Variants in ZNF626 observed in about 807,000 individuals in gnomAD.
The protein encoded by ZNF626 is CTC-513N18.7.
In ZNF626, 4 loss-of-function variants were observed where a neutral mutation model predicts 11.7. The ratio of observed to expected loss-of-function variants is 0.34; its 90% confidence interval spans 0.17 to 0.78. ZNF626 has a LOEUF of 0.78. Among genes scored for constraint, ZNF626 ranks in the 30% least tolerant of loss-of-function variants. ZNF626 has a pLI of 0.57. For synonymous variants in ZNF626, 179 were observed against 198.6 expected, an observed-to-expected ratio of 0.90 and a Z score of 0.83; for missense variants, 588 against 587.1, an observed-to-expected ratio of 1.00 and a Z score of -0.01.
At chr19:20,633,836 C>A (rs975962947) in intron 3 of ZNF626, among the ~76,000 whole-genome samples, 1 of 152,188 alleles carries the variant, frequency 6.6e-6, no homozygotes, top group Non-Finnish European at 1.5e-5. Flanking sequence ...GAGATGAACC[C>A]AGTACCCCAG....
intron 1 of ZNF626, among the ~76,000 whole-genome samples, chr19:20,647,996 T>C (rs1555772120): frequency 6.6e-6 from 1 of 151,796 alleles, no homozygotes; most frequent in African/African-American, 2.4e-5. Flanking sequence ...ATGACTAACA[T>C]GGTATAACCC....
chr19:20,656,176 G>A (rs1273098107), intron 1 of ZNF626, among the ~76,000 whole-genome samples: 1 of 152,124 alleles, frequency 6.6e-6, no homozygotes, highest in Non-Finnish European at 1.5e-5. Flanking sequence ...AAGCTGACAA[G>A]AGGAATATGG....
chr19:20,643,612 G>C (rs77082951), intron 3 of ZNF626, among the ~76,000 whole-genome samples: 1 of 152,096 alleles, frequency 6.6e-6, no homozygotes, highest in South Asian at 2.1e-4. Context: ...AGTGACATCA[G>C]TAAGATGAAA....
chr19:20,640,241 T>A (rs1345580834), intron 3 of ZNF626, among the ~76,000 whole-genome samples: 10 of 48,008 alleles, frequency 2.1e-4, no homozygotes, highest in Non-Finnish European at 3.1e-4. Flanking sequence ...AATTAAATTA[T>A]TAATTTTAAT....
At chr19:20,660,790 G>A (rs1299667354) in intron 1 of ZNF626, among the ~76,000 whole-genome samples, 1 of 152,114 alleles carries the variant, frequency 6.6e-6, no homozygotes, top group Non-Finnish European at 1.5e-5. Context: ...GGATCAGACC[G>A]CACAATCTAA....
intron 1 of ZNF626, among the ~76,000 whole-genome samples, chr19:20,652,299 G>GA (rs3078663): frequency 0.31 from 41,841 of 136,684 alleles, 6,547 homozygotes; most frequent in East Asian, 0.55. Flanking sequence ...AAGTCTACAT[G>GA]AAAAAAAAAA....
intron 3 of ZNF626, among the ~76,000 whole-genome samples, chr19:20,633,906 G>A (rs1555770667): frequency 6.6e-6 from 1 of 152,180 alleles, no homozygotes; most frequent in African/African-American, 2.4e-5. Flanking sequence ...GTTGACCAGA[G>A]CTGTTCCTAT....
chr19:20,624,684 T>G lies in ZNF626; in HGVS notation c.1193A>C (p.Lys398Thr), dbSNP rs1969801272. Residue 398 changes from lysine to threonine, a missense_variant, in exon 4 of 4, where the codon AAA becomes ACA. Coordinates refer to ENST00000601440, the MANE Select transcript of ZNF626 (RefSeq NM_001076675.3). ...AAAAGCTTTGCCACATTCTTCACAT[T>G]TGTAGGGTTTCTCTCCAGTATGAAT... ...KIIHTGEKPY[K>T]CEECGKAFKY... The G allele has an allele frequency of 4.3e-6, 7 of 1,609,992 alleles. No homozygotes were observed. The highest frequency in any genetic ancestry group is 5.9e-6 in the Non-Finnish European group (7 of 1,178,174).
At chr19:20,626,897 C>T (rs1046541590) in intron 3 of ZNF626, among the ~76,000 whole-genome samples, 2 of 152,022 alleles carry the variant, frequency 1.3e-5, no homozygotes, top group East Asian at 3.9e-4. Flanking sequence ...CACCTGTAAC[C>T]CCAGCTACTT....
intron 1 of ZNF626, among the ~76,000 whole-genome samples, chr19:20,653,314 A>T (rs1970167900): frequency 6.6e-6 from 1 of 152,212 alleles, no homozygotes; most frequent in Non-Finnish European, 1.5e-5. Flanking sequence ...TACACAATTA[A>T]ACTTGAATGT....
At chr19:20,630,413 C>T (rs12180530) in intron 3 of ZNF626, among the ~76,000 whole-genome samples, 22,150 of 89,298 alleles carry the variant, frequency 0.25, 1,753 homozygotes, top group African/African-American at 0.4. Flanking sequence ...TGGTCCTGAA[C>T]TTTTTTTGAT....
intron 1 of ZNF626, among the ~76,000 whole-genome samples, chr19:20,647,196 A>G (rs958395110): frequency 2.7e-4 from 41 of 152,150 alleles, no homozygotes; most frequent in African/African-American, 9.2e-4. Flanking sequence ...TCTTTGGCCC[A>G]AGAAGGATAT....
At chr19:20,629,811 C>G (rs1969882539) in intron 3 of ZNF626, among the ~76,000 whole-genome samples, 1 of 152,128 alleles carries the variant, frequency 6.6e-6, no homozygotes, top group Non-Finnish European at 1.5e-5. Flanking sequence ...ACTTCCAACA[C>G]TATGTTGAAT....
Position 20,624,067 on chromosome 19 carries a change from A to G in ZNF626, c.*223T>C. The stretch of plus-strand genomic sequence containing the variant: ...CTTATGTGCAGTAAGGTGTGAGGAT[A>G]GGTGAAAAGCTTTACCACATTATTC... On this transcript the variant is annotated 3_prime_UTR_variant, in exon 4 of 4. Coordinates refer to ENST00000601440, the MANE Select transcript of ZNF626 (RefSeq NM_001076675.3). The G allele has an allele frequency of 1.3e-6, 1 of 789,962 alleles. No individual in the cohort carries two copies. Among genetic ancestry groups the G allele is most frequent in the Non-Finnish European group, 2.2e-6 (1 of 450,738 alleles). The allele number at this position is 789,962 out of a possible 1,614,324, so 48.9% of individuals were successfully genotyped here.
chr19:20,629,764 C>A (rs1260177816), intron 3 of ZNF626, among the ~76,000 whole-genome samples: 2 of 152,136 alleles, frequency 1.3e-5, no homozygotes, highest in Admixed American at 6.5e-5. Context: ...ATTGAATACA[C>A]TTTATTTCCT....
chr19:20,628,900 G>A (rs1487636041), intron 3 of ZNF626, among the ~76,000 whole-genome samples: 41 of 152,172 alleles, frequency 2.7e-4, no homozygotes, highest in Non-Finnish European at 1.0e-4. Flanking sequence ...TTCTTCTAGG[G>A]TTTTTATGGT....
At position 20,648,481 on chromosome 19, in the gene ZNF626, A is replaced by G. The variant is rs374525240; in HGVS notation, c.4-2076T>C. On this transcript the variant is annotated intron_variant, in intron 1 of 3. Coordinates refer to ENST00000601440, the MANE Select transcript of ZNF626 (RefSeq NM_001076675.3). ...AAGCTCTGCCTCCCAGGTTCACGCC[A>G]TTCTCCTGCATCAGCCTACCAAGTA... Among the ~76,000 whole-genome samples the G allele has an allele frequency of 2.7e-5, 4 of 150,308 alleles. No homozygotes were observed. In the South Asian group the frequency reaches 8.4e-4, roughly 32 times the overall value.
chr19:20,659,655 T>C (rs1555773470), intron 1 of ZNF626, among the ~76,000 whole-genome samples: 1 of 152,174 alleles, frequency 6.6e-6, no homozygotes, highest in Non-Finnish European at 1.5e-5. Flanking sequence ...CCTACATTTT[T>C]GCAACCCATG....
chr19:20,632,194 C>T lies in ZNF626; in HGVS notation c.227-6544G>A, dbSNP rs560241089. ...GCTGGGCTTCCCTTTGTGGATAACCCGAGCTTTCTCTCTGGCTGCTCTTAA... is the reference window on the plus strand; with the variant it reads ...GCTGGGCTTCCCTTTGTGGATAACCTGAGCTTTCTCTCTGGCTGCTCTTAA... On this transcript the variant is annotated intron_variant, in intron 3 of 3. Transcript: ENST00000601440. 3.3e-5 allele frequency among the ~76,000 whole-genome samples: 5 copies of T among 152,278 alleles called. No homozygotes were observed. The East Asian group carries it at 9.6e-4, about 29-fold the overall frequency.
Sources: allele counts gnomAD v4.1 joint callset (sites outside exome capture counted in the v4.1 genomes callset), GRCh38; gene constraint gnomAD v4.1.1; transcripts MANE v1.5; gene names NCBI Gene and HGNC (gene_info 2026-07-23, HGNC 2026-07-21).